EHBP1: variants seen among roughly 807,000 people sequenced by gnomAD.
EHBP1 encodes EH domain-binding protein 1.
Under a neutral mutation model 144.0 loss-of-function variants are expected in EHBP1, and 55 were observed. That is an observed-to-expected ratio of 0.38 (90% CI 0.31 to 0.48). The LOEUF is 0.48. Among genes scored for constraint, EHBP1 ranks in the 20% least tolerant of loss-of-function variants. The pLI is 0.98. For missense variants in EHBP1, 1,200 were observed against 1,364.2 expected (o/e 0.88, Z 1.90); for synonymous variants, 469 against 472.7 (o/e 0.99, Z 0.10).
intron 7 of EHBP1, among the ~76,000 whole-genome samples, chr2:62,839,951 G>C (rs1302350510): frequency 8.9e-4 from 135 of 152,094 alleles, no homozygotes; most frequent in East Asian, 4.5e-3. Context: ...CCCCATCAAG[G>C]TACCAATGAC....
chr2:63,013,577 C>T (rs1429503327), intron 19 of EHBP1, among the ~76,000 whole-genome samples: 3 of 152,134 alleles, frequency 2.0e-5, no homozygotes, highest in African/African-American at 7.2e-5. Context: ...GCTTTCAAAA[C>T]GACAAACTAG....
intron 10 of EHBP1, among the ~76,000 whole-genome samples, chr2:62,883,398 T>C (rs958112983): frequency 2.6e-5 from 4 of 152,242 alleles, no homozygotes; most frequent in African/African-American, 7.2e-5. Flanking sequence ...TGGGAAAGAC[T>C]GAGAAGTTTA....
At chr2:62,970,429 T>C (rs1380949974) in intron 14 of EHBP1, among the ~76,000 whole-genome samples, 10 of 152,280 alleles carry the variant, frequency 6.6e-5, no homozygotes, top group African/African-American at 2.4e-4. Context: ...AGAGTGCTTT[T>C]TTATGTTATA....
intron 10 of EHBP1, chr2:62,940,037 T>G (rs2056647847): frequency 7.5e-6 from 3 of 398,656 alleles, no homozygotes; most frequent in Admixed American, 5.4e-5. Context: ...AAGAAGTGTG[T>G]GCTGACTTGA....
At chr2:62,734,290 A>G (rs971518504) in intron 2 of EHBP1, among the ~76,000 whole-genome samples, 2 of 151,458 alleles carry the variant, frequency 1.3e-5, no homozygotes, top group Non-Finnish European at 2.9e-5. Context: ...AAATTCACTC[A>G]TGTTTTCTTC....
chr2:63,015,126 A>T (rs1037056398), intron 19 of EHBP1, among the ~76,000 whole-genome samples: 1 of 152,196 alleles, frequency 6.6e-6, no homozygotes, highest in Non-Finnish European at 1.5e-5. Context: ...CATTTAACAC[A>T]TATATTTGAT....
chr2:62,677,322 C>A (rs923129921), intron 1 of EHBP1, among the ~76,000 whole-genome samples: 6 of 152,162 alleles, frequency 3.9e-5, no homozygotes, highest in Middle Eastern at 3.2e-3. Flanking sequence ...ATTTCCCCCC[C>A]AAGCATGTTG....
At chr2:62,714,570 T>C (rs546792491) in intron 2 of EHBP1, among the ~76,000 whole-genome samples, 2 of 152,312 alleles carry the variant, frequency 1.3e-5, no homozygotes, top group African/African-American at 4.8e-5. Flanking sequence ...ACTTCCAGCA[T>C]AGAGTTGTTT....
At chr2:62,917,478 A>C (rs1361393928) in intron 10 of EHBP1, among the ~76,000 whole-genome samples, 1 of 152,174 alleles carries the variant, frequency 6.6e-6, no homozygotes, top group Non-Finnish European at 1.5e-5. Flanking sequence ...GTGTGCGCAC[A>C]CACACATTTT....
intron 5 of EHBP1, among the ~76,000 whole-genome samples, chr2:62,776,082 C>T (rs1484085780): frequency 6.6e-6 from 1 of 152,188 alleles, no homozygotes; most frequent in Non-Finnish European, 1.5e-5. Flanking sequence ...TATTTCACTA[C>T]TGTTAGACAT....
At chr2:62,902,803 T>G (rs180944491) in intron 10 of EHBP1, among the ~76,000 whole-genome samples, 1 of 152,366 alleles carries the variant, frequency 6.6e-6, no homozygotes, top group East Asian at 1.9e-4. Flanking sequence ...TTATTGCATA[T>G]AAATCACTTT....
intron 1 of EHBP1, among the ~76,000 whole-genome samples, chr2:62,683,040 A>G (rs750087512): frequency 6.6e-6 from 1 of 152,234 alleles, no homozygotes; most frequent in Admixed American, 6.5e-5. Flanking sequence ...CAGAAAATTT[A>G]TCTCAAAATG....
intron 10 of EHBP1, among the ~76,000 whole-genome samples, chr2:62,898,604 T>C (rs1033401961): frequency 3.3e-5 from 5 of 152,130 alleles, no homozygotes; most frequent in Non-Finnish European, 7.4e-5. Context: ...CCACCCCTTT[T>C]CTCCAATCAC....
chr2:62,824,215 A>G (rs2046184257), intron 5 of EHBP1, among the ~76,000 whole-genome samples: 1 of 151,992 alleles, frequency 6.6e-6, no homozygotes, highest in East Asian at 1.9e-4. Flanking sequence ...AGTTATCTTA[A>G]TTTTTATAGC....
rs1286168604 is a variant in EHBP1, at chr2:63,008,527, A to G, written c.3103+11761A>G. 2.6e-5 allele frequency among the ~76,000 whole-genome samples: 4 copies of G among 151,288 alleles called. No homozygotes were observed. The East Asian group carries it at 7.7e-4, about 29-fold the overall frequency. On this transcript the variant is annotated intron_variant, in intron 19 of 22. Transcript: ENST00000431489. ...TCTATTACAAAACGCTGAGGAACTT[A>G]GGAATTTGCAACTTTTAGTGATATA...
At chr2:62,811,515 C>G (rs2045006416) in intron 5 of EHBP1, among the ~76,000 whole-genome samples, 1 of 152,158 alleles carries the variant, frequency 6.6e-6, no homozygotes, top group Non-Finnish European at 1.5e-5. Context: ...GAGAGAATGC[C>G]AGGCCCATAA....
rs773427334 is a variant in EHBP1 at position 62,948,589 on chromosome 2, A to G, written c.1743A>G (p.Val581=). Residue 581 remains valine, a synonymous_variant, in exon 13 of 23, where the codon GTA becomes GTG. Coordinates refer to ENST00000431489, the MANE Select transcript of EHBP1 (RefSeq NM_001142616.3). ...TATCACAGGATGACTCTGTATTTGT[A>G]AATGATAGCGGGGTTGGAGAGTCAG... The part of the protein sequence containing the change: ...DFLSQDDSVF[V]NDSGVGESES... The G allele has an allele frequency of 6.8e-6, 11 of 1,614,058 alleles. No homozygotes were observed. In the East Asian group the frequency reaches 2.5e-4, roughly 36 times the overall value.
At chr2:62,931,554 C>T (rs764742122) in intron 10 of EHBP1, among the ~76,000 whole-genome samples, 10 of 152,196 alleles carry the variant, frequency 6.6e-5, no homozygotes, top group Non-Finnish European at 1.5e-4. Flanking sequence ...AGCACCTCCA[C>T]CCCATTATTT....
intron 10 of EHBP1, among the ~76,000 whole-genome samples, chr2:62,928,840 C>CAAAAAAAAA (rs760426482): frequency 1.5e-5 from 1 of 65,250 alleles, no homozygotes; most frequent in African/African-American, 4.8e-5. Flanking sequence ...AGACTAAGAA[C>CAAAAAAAAA]AAAAAAAAAA....
Sources: gnomAD v4.1 joint callset for allele counts (sites outside exome capture counted in the v4.1 genomes callset) on GRCh38, gnomAD v4.1.1 for gene constraint, MANE v1.5 for transcripts, NCBI Gene and HGNC (gene_info 2026-07-23, HGNC 2026-07-21) for gene names.